RAD50: variants seen among roughly 807,000 people sequenced by gnomAD.
RAD50 encodes RAD50 double strand break repair protein, also known as DNA repair protein RAD50.
Under a neutral mutation model 168.8 loss-of-function variants are expected in RAD50, and 132 were observed. The observed-to-expected ratio is 0.78, with a 90% confidence interval of 0.68 to 0.90. RAD50 has a LOEUF of 0.90. Ranked by LOEUF, RAD50 falls within the 40% of genes least tolerant of loss-of-function variation. The pLI, the probability that RAD50 is intolerant of heterozygous loss-of-function variation, is 0.00. For missense variants in RAD50, 1,347 were observed against 1,534.4 expected (o/e 0.88, Z 2.04); for synonymous variants, 525 against 497.4 (o/e 1.06, Z -0.74).
chr5:132,557,031 C>T lies in RAD50; in HGVS notation c.-294C>T, dbSNP rs1042428280. On this transcript the variant is annotated 5_prime_UTR_variant, in exon 1 of 25. Coordinates refer to ENST00000378823, the MANE Select transcript of RAD50 (RefSeq NM_005732.4). ...AGCTGTGAGTGCGCGGTTGCGGGGT[C>T]GCATTGTGGCTACGGCTTTGCGTCC... is the stretch of plus-strand genomic sequence containing the variant. The T allele has an allele frequency of 7.6e-6, 5 of 658,954 alleles. No homozygotes were observed. The highest frequency in any genetic ancestry group is 7.3e-5 in the African/African-American group (4 of 55,142). The allele number at this position is 658,954 out of a possible 1,614,324, so 40.8% of individuals were successfully genotyped here.
At chr5:132,630,043 C>T (rs1256407554) in intron 21 of RAD50, among the ~76,000 whole-genome samples, 1 of 141,274 alleles carries the variant, frequency 7.1e-6, no homozygotes. Context: ...TTAGGTAATA[C>T]TTTTTTTTTT....
intron 11 of RAD50, chr5:132,592,812 G>C: frequency 2.1e-6 from 1 of 470,830 alleles, no homozygotes; most frequent in Non-Finnish European, 4.4e-6. Flanking sequence ...ACAATTCTTT[G>C]AAGAAATGCT....
Position 132,604,796 on chromosome 5 carries a change from T to C in RAD50, c.2525-10T>C, listed in dbSNP as rs781324502. 1 of 1,591,202 alleles carries C rather than the reference T, an allele frequency of 6.3e-7. No homozygotes were observed. The highest frequency in any genetic ancestry group is 1.1e-5 in the South Asian group (1 of 89,964). On this transcript the variant is annotated splice_polypyrimidine_tract_variant and intron_variant, in intron 15 of 24. Coordinates refer to ENST00000378823, the MANE Select transcript of RAD50 (RefSeq NM_005732.4). Reference sequence around the variant, plus strand: ...TACATTAATTACTGTGATAATATGTTTTTGTGTAGTTTCTAGTAAGATTGA... The same window carrying C: ...TACATTAATTACTGTGATAATATGTCTTTGTGTAGTTTCTAGTAAGATTGA...
intron 2 of RAD50, among the ~76,000 whole-genome samples, chr5:132,565,419 C>T (rs1750191042): frequency 6.6e-6 from 1 of 152,154 alleles, no homozygotes; most frequent in African/African-American, 2.4e-5. Context: ...CTCATATGGG[C>T]TGACTCCATC....
intron 1 of RAD50, among the ~76,000 whole-genome samples, chr5:132,558,332 G>T (rs962470852): frequency 6.6e-6 from 1 of 152,050 alleles, no homozygotes; most frequent in Admixed American, 6.5e-5. Flanking sequence ...CAGCTTTTTC[G>T]CTTCATTTAT....
At position 132,594,964 on chromosome 5, in the gene RAD50, T is replaced by C. The variant is rs1580996492; in HGVS notation, c.1889T>C (p.Phe630Ser). 6.2e-7 allele frequency: 1 copy of C among 1,612,820 alleles called. No homozygotes were observed. Among genetic ancestry groups the C allele is most frequent in the Non-Finnish European group, 8.5e-7 (1 of 1,178,804 alleles). ...EQLSSYEDKL[F>S]DVCGSQDFES... is the part of the protein sequence containing the mutation. ...TTGTCCAGTTACGAAGACAAGCTGT[T>C]TGATGTTTGTGGTAGCCAGGATTTT... Residue 630 changes from phenylalanine (F) to serine (S), a missense_variant, in exon 12 of 25, where the codon TTT becomes TCT. By Grantham distance (155) the Phe-to-Ser change is radical (BLOSUM62 -2). This residue lies in a region of RAD50 where 703 missense variants were observed against 767.7 expected (regional missense o/e 0.92). Transcript: ENST00000378823.
intron 13 of RAD50, among the ~76,000 whole-genome samples, chr5:132,601,734 C>T (rs1475877003): frequency 2.0e-5 from 3 of 152,118 alleles, no homozygotes; most frequent in African/African-American, 7.2e-5. Flanking sequence ...CCCAAATGAC[C>T]ATCAATGATA....
At chr5:132,639,385 A>G (rs1053800030) in intron 23 of RAD50, among the ~76,000 whole-genome samples, 2 of 151,756 alleles carry the variant, frequency 1.3e-5, no homozygotes, top group African/African-American at 2.4e-5. Context: ...CATGCCATGC[A>G]TATATGTATT....
At chr5:132,592,684 T>A (rs558375986) in intron 11 of RAD50, 1 of 352,492 alleles carries the variant, frequency 2.8e-6, no homozygotes, top group South Asian at 2.2e-5. Context: ...TGACCTTTGC[T>A]CTTATCTGGT....
intron 21 of RAD50, among the ~76,000 whole-genome samples, chr5:132,621,773 CTT>C (rs1751289921): frequency 6.6e-6 from 1 of 152,066 alleles, no homozygotes; most frequent in South Asian, 2.1e-4. Flanking sequence ...CCCTGGTTCT[CTT>C]AGGATTTTTC....
chr5:132,637,243 C>G, intron 22 of RAD50, 43 bp downstream of exon 22: 1 of 1,587,276 alleles, frequency 6.3e-7, no homozygotes, highest in Non-Finnish European at 8.6e-7. Flanking sequence ...CCAAAGCCCT[C>G]TCCGCAGCTC....
At chr5:132,634,558 C>T (rs1751537565) in intron 21 of RAD50, among the ~76,000 whole-genome samples, 2 of 151,886 alleles carry the variant, frequency 1.3e-5, no homozygotes, top group South Asian at 4.2e-4. Context: ...GGATTTGAAT[C>T]GTGAAATCCC....
chr5:132,588,956 T>G, intron 8 of RAD50, 76 bp downstream of exon 8: 1 of 1,463,134 alleles, frequency 6.8e-7, no homozygotes. Context: ...AATTTTTGGT[T>G]GGACTCCATT....
intron 21 of RAD50, among the ~76,000 whole-genome samples, chr5:132,619,836 C>CTCTATATA (rs1257882764): frequency 3.5e-5 from 4 of 114,416 alleles, no homozygotes; most frequent in African/African-American, 1.6e-4. Flanking sequence ...CTCTCTCTCT[C>CTCTATATA]TATATATATA....
At chr5:132,609,674 C>T (rs975299835) in intron 19 of RAD50, among the ~76,000 whole-genome samples, 2 of 151,970 alleles carry the variant, frequency 1.3e-5, no homozygotes, top group African/African-American at 2.4e-5. Context: ...CCCAGCTACT[C>T]GGGAAGCTGA....
Position 132,587,574 on chromosome 5 carries a change from G to T in RAD50, c.769G>T (p.Glu257Ter), listed in dbSNP as rs774666779. 1 of 1,612,888 alleles carries T rather than the reference G, an allele frequency of 6.2e-7. No homozygotes were observed. Among genetic ancestry groups the T allele is most frequent in the South Asian group, 1.1e-5 (1 of 90,798 alleles). Residue 257 changes from glutamate (E) to a stop codon, truncating the protein, a stop_gained, in exon 6 of 25, where the codon GAA (glutamate) becomes TAA (stop). Coordinates refer to ENST00000378823, the MANE Select transcript of RAD50 (RefSeq NM_005732.4). LOFTEE classifies it high-confidence loss of function. ...TCTTTATTTTCAGAATCGTCTAAAA[G>T]AAATTGAACATAATCTCTCTAAAAT... The part of the protein sequence containing the change: ...ELDPLKNRLK[E>*]IEHNLSKIMK...
intron 16 of RAD50, among the ~76,000 whole-genome samples, chr5:132,607,376 C>T (rs759327816): frequency 6.6e-6 from 1 of 152,186 alleles, no homozygotes; most frequent in Non-Finnish European, 1.5e-5. Context: ...TGAGCAGGCA[C>T]TCAGTTGCCA....
chr5:132,559,151 A>G, intron 1 of RAD50, 133 bp from the exon 2 acceptor site: 8 of 884,400 alleles, frequency 9.0e-6, no homozygotes, highest in Non-Finnish European at 1.3e-5. Flanking sequence ...TATTTTTATT[A>G]CAGGTTTTAT....
intron 19 of RAD50, among the ~76,000 whole-genome samples, chr5:132,612,784 C>A (rs767842767): frequency 1.3e-5 from 2 of 151,926 alleles, no homozygotes; most frequent in Admixed American, 6.6e-5. Flanking sequence ...GCCCTTACTA[C>A]GCCACTGCAC....
Sources: gnomAD v4.1 joint callset for allele counts (sites outside exome capture counted in the v4.1 genomes callset) on GRCh38, gnomAD v4.1.1 for gene constraint, gnomAD v4.1.1 regional missense constraint, MANE v1.5 for transcripts, NCBI Gene and HGNC (gene_info 2026-07-23, HGNC 2026-07-21) for gene names.